Variants in BUD13 observed in about 807,000 individuals in gnomAD.
BUD13 encodes the protein BUD13 homolog.
A neutral mutation model predicts 62.5 loss-of-function variants in BUD13; 47 were observed. The ratio of observed to expected loss-of-function variants is 0.75; its 90% CI spans 0.60 to 0.96. BUD13 has a LOEUF of 0.96. BUD13 is among the 40% of genes least tolerant of loss of function. The probability of loss-of-function intolerance (pLI) is 0.00; values close to 1 mark genes in which losing one functional copy is unlikely to be tolerated. For synonymous variants in BUD13, 293 were observed against 280.1 expected (o/e 1.05, Z -0.46); for missense variants, 821 against 790.9 (o/e 1.04, Z -0.46).
Position 116,748,434 on chromosome 11 carries a change from G to T in BUD13, c.*48C>A. The T allele has an allele frequency of 1.3e-6, 2 of 1,528,224 alleles. No homozygotes were observed. The highest frequency in any genetic ancestry group is 1.8e-6 in the Non-Finnish European group (2 of 1,102,230). The allele number at this position is 1,528,224 out of a possible 1,614,324, so 94.7% of individuals were successfully genotyped here. On this transcript the variant is annotated 3_prime_UTR_variant, in exon 10 of 10. Coordinates refer to ENST00000260210, the MANE Select transcript of BUD13 (RefSeq NM_032725.4). ...AACTGTTACCACTGGATATCTCGCT[G>T]CCTATGCCCACTACCACAGCCCAGC... is the stretch of plus-strand genomic sequence containing the variant.
rs770902901 is a variant in BUD13 at position 116,763,011 on chromosome 11, G to A, written c.578C>T (p.Ala193Val). ...AGAAGGATCTGGAGAATCATGACGG[G>A]CCCTCCTTGGGGGTGAAGTGTCTGA... ...DSSDTSPPRR[A>V]RHDSPDPSPP... The change falls in exon 4 of 10, where the codon GCC becomes GTC. Residue 193 changes from alanine (A) to valine (V), a missense_variant. This residue lies in a region of BUD13 where 800 missense variants were observed against 739.2 expected (regional missense o/e 1.08). Coordinates refer to ENST00000260210, the MANE Select transcript of BUD13 (RefSeq NM_032725.4). 6.2e-7 allele frequency: 1 copy of A among 1,613,666 alleles called. No individual in the cohort carries two copies. The highest frequency in any genetic ancestry group is 1.7e-5 in the Admixed American group (1 of 59,994).
rs774121552 is a variant in BUD13, at chr11:116,765,366, C to T, written c.318G>A (p.Leu106=). The change falls in exon 3 of 10, where the codon CTG becomes CTA. Residue 106 remains leucine, a synonymous_variant. Transcript: ENST00000260210. ...TTATCTATTGTTGGAACTCACCTCC[C>T]AGAAGCTTCCATTTGGCACTGGAAC... is the stretch of plus-strand genomic sequence containing the variant. ...AFRSSAKWKL[L]GGHNEDLPSN... is the part of the protein sequence containing the mutation. 3.1e-6 allele frequency: 5 copies of T among 1,613,986 alleles called. No homozygotes were observed. Among genetic ancestry groups the T allele is most frequent in the East Asian group, 2.2e-5 (1 of 44,894 alleles).
At chr11:116,751,894 T>A (rs1417799559) in intron 9 of BUD13, among the ~76,000 whole-genome samples, 1 of 152,178 alleles carries the variant, frequency 6.6e-6, no homozygotes, top group Non-Finnish European at 1.5e-5. Flanking sequence ...TAATTCCAGC[T>A]TTCTCAGGGA....
chr11:116,752,156 C>G (rs1350325839), intron 9 of BUD13, among the ~76,000 whole-genome samples: 2 of 152,098 alleles, frequency 1.3e-5, no homozygotes, highest in Non-Finnish European at 2.9e-5. Context: ...CCATGTTAGC[C>G]AGGATGGTCT....
intron 6 of BUD13, 78 bp from the exon 7 acceptor site, chr11:116,758,485 G>A: frequency 2.7e-6 from 4 of 1,496,044 alleles, no homozygotes; most frequent in Non-Finnish European, 3.6e-6. Context: ...AACCGCTTGG[G>A]ATTCTAATGC....
In BUD13 at chr11:116,760,782, C is replaced by T. The variant is rs751974437; in HGVS notation, c.1207G>A (p.Asp403Asn). ...CTTCGAGGCGGGGACAGGTCAGAAT[C>T]AGAAGATTTGGTCCTCTGTCTCCTC... The part of the protein sequence containing the change: ...PRRRQRTKSS[D>N]SDLSPPRRSQ... Residue 403 changes from aspartate to asparagine, a missense_variant, in exon 5 of 10, where the codon GAT (aspartate) becomes AAT (asparagine). Coordinates refer to ENST00000260210, the MANE Select transcript of BUD13 (RefSeq NM_032725.4). The T allele has an allele frequency of 2.9e-5, 47 of 1,614,056 alleles. No individual in the cohort carries two copies. The highest frequency in any genetic ancestry group is 3.6e-5 in the Non-Finnish European group (42 of 1,180,028).
chr11:116,748,558 T>C lies in BUD13; in HGVS notation c.1784A>G (p.Gln595Arg). The C allele has an allele frequency of 1.2e-6, 2 of 1,614,240 alleles. No individual in the cohort carries two copies. The highest frequency in any genetic ancestry group is 1.7e-6 in the Non-Finnish European group (2 of 1,180,046). ...GCTGGCAAGCCTGGCAAAGCGCTTC[T>C]GTTCAAATCCATTGGATCTGCAATC... ...DGVDRSNGFE[Q>R]KRFARLASKK... Residue 595 changes from glutamine to arginine, a missense_variant, in exon 10 of 10, where the codon CAG becomes CGG. Coordinates refer to ENST00000260210, the MANE Select transcript of BUD13 (RefSeq NM_032725.4).
At chr11:116,760,609 T>C in intron 5 of BUD13, 126 bp downstream of exon 5, 1 of 1,109,720 alleles carries the variant, frequency 9.0e-7, no homozygotes, top group South Asian at 1.5e-5. Context: ...AAAGGTCCTT[T>C]TAACTAAGAT....
At chr11:116,772,792 C>A in intron 1 of BUD13, 30 bp downstream of exon 1, 1 of 1,510,782 alleles carries the variant, frequency 6.6e-7, no homozygotes. Flanking sequence ...CTAGACGTCG[C>A]AGGCCCCGCC....
At chr11:116,748,651 A>G in intron 9 of BUD13, 76 bp from the exon 10 acceptor site, 1 of 1,397,120 alleles carries the variant, frequency 7.2e-7, no homozygotes, top group Non-Finnish European at 1.0e-6. Flanking sequence ...GGAAGAGTTC[A>G]CAATATAATG....
chr11:116,763,042 C>T lies in BUD13; in HGVS notation c.547G>A (p.Asp183Asn). The T allele has an allele frequency of 6.2e-7, 1 of 1,612,158 alleles. No individual in the cohort carries two copies. Reference sequence around the variant, plus strand: ...CTTGGGGGTGAAGTGTCTGAGGAGTCATGACGGATCCTCCTGGGAGGAGAT... The same window carrying T: ...CTTGGGGGTGAAGTGTCTGAGGAGTTATGACGGATCCTCCTGGGAGGAGAT... ...DTSPPRRIRH[D>N]SSDTSPPRRA... Residue 183 changes from aspartate to asparagine, a missense_variant, in exon 4 of 10, where the codon GAC (aspartate) becomes AAC (asparagine). Asp to Asn is a conservative substitution (Grantham distance 23). Coordinates refer to ENST00000260210, the MANE Select transcript of BUD13 (RefSeq NM_032725.4).
intron 2 of BUD13, among the ~76,000 whole-genome samples, chr11:116,767,843 C>T (rs975878603): frequency 2.6e-5 from 4 of 151,608 alleles, no homozygotes; most frequent in African/African-American, 4.8e-5. Flanking sequence ...CATGGAGGTG[C>T]GCACCTGTGG....
chr11:116,758,180 CATA>C (rs1940365191), intron 7 of BUD13, 86 bp downstream of exon 7: 5 of 1,554,136 alleles, frequency 3.2e-6, no homozygotes, highest in Non-Finnish European at 4.4e-6. Context: ...GCTCTGAAGG[CATA>C]ATAAGAAAGT....
rs2134175392 is a variant in BUD13, at chr11:116,757,929, C to T, written c.1521G>A (p.Gln507=). ...TCATTGCATCCTCCACATTTTGTTGCTGTTGCCGGCTCTGGGCAAGCCTGG... is the reference window on the plus strand; with the variant it reads ...TCATTGCATCCTCCACATTTTGTTGTTGTTGCCGGCTCTGGGCAAGCCTGG... The part of the protein sequence containing the change: ...WGKGLAQSRQ[Q]QQNVEDAMKE... Residue 507 remains glutamine (Q), a synonymous_variant, in exon 8 of 10, where the codon CAG becomes CAA. Coordinates refer to ENST00000260210, the MANE Select transcript of BUD13 (RefSeq NM_032725.4). The T allele has an allele frequency of 6.2e-7, 1 of 1,614,020 alleles. No homozygotes were observed. Among genetic ancestry groups the T allele is most frequent in the South Asian group, 1.1e-5 (1 of 91,068 alleles).
rs1465485606 is a variant in BUD13, at chr11:116,772,810, G to C, written c.143+12C>G. ...GACGTCGCAGGCCCCGCCCCGGCCG[G>C]TACCAACTCACCCCTTGCCGCCGGC... On this transcript the variant is annotated intron_variant, in intron 1 of 9. Transcript: ENST00000260210. 4 of 1,563,076 alleles carry C rather than the reference G, an allele frequency of 2.6e-6. No individual in the cohort carries two copies. The African/African-American group carries it at 4.2e-5, about 16-fold the overall frequency.
chr11:116,759,300 C>A, intron 5 of BUD13, 121 bp from the exon 6 acceptor site: 5 of 632,544 alleles, frequency 7.9e-6, no homozygotes, highest in South Asian at 2.3e-5. Context: ...AAAACTCTAG[C>A]TTTATATTCT....
chr11:116,750,913 C>G (rs1940220992), intron 9 of BUD13, among the ~76,000 whole-genome samples: 1 of 152,168 alleles, frequency 6.6e-6, no homozygotes, highest in African/African-American at 2.4e-5. Flanking sequence ...CTTAGGGACC[C>G]CCACCACCTG....
intron 1 of BUD13, among the ~76,000 whole-genome samples, chr11:116,770,656 G>A (rs1263631374): frequency 6.6e-6 from 1 of 152,070 alleles, no homozygotes; most frequent in East Asian, 1.9e-4. Flanking sequence ...TGCCACGCCT[G>A]GCTAATTTTT....
chr11:116,757,569 G>C (rs556868848), intron 8 of BUD13, among the ~76,000 whole-genome samples, 197 bp downstream of exon 8: 1 of 152,060 alleles, frequency 6.6e-6, no homozygotes, highest in Non-Finnish European at 1.5e-5. Flanking sequence ...CGAAGTGCTA[G>C]GATTACAAAC....
Sources: gnomAD v4.1 joint callset for allele counts (sites outside exome capture counted in the v4.1 genomes callset) on GRCh38, gnomAD v4.1.1 for gene constraint, gnomAD v4.1.1 regional missense constraint, MANE v1.5 for transcripts, NCBI Gene and HGNC (gene_info 2026-07-23, HGNC 2026-07-21) for gene names.